Variants in MACF1 observed in about 807,000 individuals in gnomAD.
MACF1 encodes microtubule-actin cross-linking factor 1.
Under a neutral mutation model 854.8 loss-of-function variants are expected in MACF1, and 193 were observed. That is an observed-to-expected ratio of 0.23 (90% CI 0.20 to 0.25). The LOEUF (loss-of-function observed/expected upper bound fraction) is 0.25. Ranked by LOEUF, MACF1 falls within the 10% of genes least tolerant of loss-of-function variation. The pLI, the probability that MACF1 is intolerant of heterozygous loss-of-function variation, is 1.00. For synonymous variants in MACF1, 3,185 were observed against 3,226.7 expected, an observed-to-expected ratio of 0.99 and a Z score of 0.44; for missense variants, 7,722 against 8,929.1, an observed-to-expected ratio of 0.86 and a Z score of 5.45.
At chr1:39,193,287 T>C (rs751842343) in intron 2 of MACF1, among the ~76,000 whole-genome samples, 5 of 152,042 alleles carry the variant, frequency 3.3e-5, no homozygotes, top group South Asian at 4.1e-4. Flanking sequence ...TATTATTTCA[T>C]TGGGGAAAAG....
At chr1:39,211,770 A>G (rs1644520064) in intron 1 of MACF1, among the ~76,000 whole-genome samples, 1 of 152,040 alleles carries the variant, frequency 6.6e-6, no homozygotes, top group Non-Finnish European at 1.5e-5. Context: ...AATCCCAGCT[A>G]CTTGGGAAGT....
Position 39,385,679 on chromosome 1 carries a change from G to A in MACF1, c.14094G>A (p.Lys4698=), listed in dbSNP as rs1569832871. 1.2e-6 allele frequency: 2 copies of A among 1,614,206 alleles called. No homozygotes were observed. The highest frequency in any genetic ancestry group is 2.2e-5 in the East Asian group (1 of 44,880). The change falls in exon 57 of 101, where the codon AAG becomes AAA. Residue 4698 remains lysine, a synonymous_variant. Coordinates refer to ENST00000564288, the MANE Select transcript of MACF1 (RefSeq NM_001394062.1). ...YQELLQDLSE[K]VRAVGQRLSV... is the part of the protein sequence containing the mutation. The stretch of plus-strand genomic sequence containing the variant: ...AACTGCTCCAGGACTTATCAGAGAA[G>A]GTGAGGGCAGTTGGACAACGGCTGA...
In MACF1 at chr1:39,199,231, C is replaced by T. The variant is rs571598663; in HGVS notation, c.221-31951C>T. ...CGATCTCCTGACCTCATGATCCGCC[C>T]GCCTCGGCCTCCCAAAGTGCTGGGA... is the stretch of plus-strand genomic sequence containing the variant. On this transcript the variant is annotated intron_variant, in intron 2 of 93. Coordinates refer to the MACF1 transcript ENST00000361689. 1.1e-4 allele frequency among the ~76,000 whole-genome samples: 17 copies of T among 152,010 alleles called. No individual in the cohort carries two copies. The South Asian group carries it at 3.5e-3, about 32-fold the overall frequency.
intron 6 of MACF1, among the ~76,000 whole-genome samples, chr1:39,258,281 A>G (rs1010456510): frequency 2.0e-5 from 3 of 152,226 alleles, no homozygotes; most frequent in Admixed American, 6.5e-5. Flanking sequence ...CCCTGTCCTC[A>G]GCAGTCTGGT....
rs764381395 is a variant in MACF1 at position 39,429,335 on chromosome 1, A to G, written c.16888+9A>G. 1.7e-5 allele frequency: 25 copies of G among 1,513,306 alleles called. No homozygotes were observed. Among genetic ancestry groups the G allele is most frequent in the Admixed American group, 3.4e-5 (2 of 59,420 alleles). 93.7% of individuals were successfully genotyped at this position (1,513,306 alleles called of 1,614,324 possible). ...TCTAAAACAAACCACAGGTACTTTG[A>G]AAAGTGTGTCTCTTAGCACCCCTAT... is the stretch of plus-strand genomic sequence containing the variant. On this transcript the variant is annotated intron_variant, in intron 64 of 100. Coordinates refer to ENST00000564288, the MANE Select transcript of MACF1 (RefSeq NM_001394062.1).
Position 39,307,901 on chromosome 1 carries a change from C to CTTTTTTTTTTTTTTTTT in MACF1, c.2790-1664_2790-1648dup, listed in dbSNP as rs34930273. ...TTATTTCTCTTTTCTTTCTTTCTTTCTTTTTTTTTTTTTTTTTTTTTGAGA... is the reference window on the plus strand; with the variant it reads ...TTATTTCTCTTTTCTTTCTTTCTTTCTTTTTTTTTTTTTTTTTTTTTTTTTTTTTTTTTTTTTTGAGA... On this transcript the variant is annotated intron_variant, in intron 23 of 100. Coordinates refer to ENST00000564288, the MANE Select transcript of MACF1 (RefSeq NM_001394062.1). Among the ~76,000 whole-genome samples, 272 of 50,402 alleles carry CTTTTTTTTTTTTTTTTT rather than the reference C, an allele frequency of 5.4e-3. 12 individuals are homozygous for CTTTTTTTTTTTTTTTTT. Among genetic ancestry groups the CTTTTTTTTTTTTTTTTT allele is most frequent in the Non-Finnish European group, 7.2e-3 (202 of 27,946 alleles). 33.1% of individuals were successfully genotyped at this position (50,402 alleles called of 152,430 possible).
At chr1:39,273,982 A>C (rs1377054817) in intron 6 of MACF1, among the ~76,000 whole-genome samples, 1 of 152,220 alleles carries the variant, frequency 6.6e-6, no homozygotes, top group African/African-American at 2.4e-5. Flanking sequence ...GTTATGTTTT[A>C]AAAAAGGCCT....
chr1:39,385,812 G>T lies in MACF1; in HGVS notation c.14227G>T (p.Ala4743Ser). ...GCAGTTAGACCACGAGGTTAAGGAGGCTCAGACACTGTGCGATGAACTCTC... is the reference window on the plus strand; with the variant it reads ...GCAGTTAGACCACGAGGTTAAGGAGTCTCAGACACTGTGCGATGAACTCTC... ...LEQLDHEVKE[A>S]QTLCDELSVL... is the part of the protein sequence containing the mutation. The change falls in exon 57 of 101, where the codon GCT becomes TCT. Residue 4743 changes from alanine (A) to serine (S), a missense_variant. Physicochemically the swap from Ala to Ser is moderately conservative, Grantham distance 99. Coordinates refer to ENST00000564288, the MANE Select transcript of MACF1 (RefSeq NM_001394062.1). The T allele has an allele frequency of 1.2e-6, 2 of 1,614,162 alleles. No individual in the cohort carries two copies. Among genetic ancestry groups the T allele is most frequent in the Non-Finnish European group, 1.7e-6 (2 of 1,180,030 alleles).
chr1:39,351,138 A>G lies in MACF1; in HGVS notation c.11199+120A>G, dbSNP rs1330087519. On this transcript the variant is annotated intron_variant, in intron 43 of 100. Coordinates refer to ENST00000564288, the MANE Select transcript of MACF1 (RefSeq NM_001394062.1). The stretch of plus-strand genomic sequence containing the variant: ...ATGCACAGAATCATGAGGAAGGGCT[A>G]CTTCAGGAGCTAGTCTGGTTTTTGT... 7 of 690,172 alleles carry G rather than the reference A, an allele frequency of 1.0e-5. No homozygotes were observed. The Admixed American group carries it at 1.2e-4, about 12-fold the overall frequency. 42.8% of individuals were successfully genotyped at this position (690,172 alleles called of 1,614,324 possible).
At chr1:39,248,336 A>G (rs1192075760) in intron 2 of MACF1, among the ~76,000 whole-genome samples, 1 of 152,102 alleles carries the variant, frequency 6.6e-6, no homozygotes, top group Non-Finnish European at 1.5e-5. Context: ...AGGGTTAAAA[A>G]AGAAACCCCT....
chr1:39,411,285 A>G, intron 58 of MACF1: 2 of 1,614,010 alleles, frequency 1.2e-6, no homozygotes, highest in Non-Finnish European at 1.7e-6. Context: ...AGGAAGAGAA[A>G]CTGTCAGACA....
At chr1:39,318,400 T>C in intron 29 of MACF1, 53 bp from the exon 30 acceptor site, 1 of 1,519,362 alleles carries the variant, frequency 6.6e-7, no homozygotes, top group Admixed American at 1.8e-5. Flanking sequence ...CCTCATTTAC[T>C]TTATTGTATT....
chr1:39,307,205 C>A (rs982497538), intron 23 of MACF1, among the ~76,000 whole-genome samples: 1 of 151,770 alleles, frequency 6.6e-6, no homozygotes, highest in African/African-American at 2.4e-5. Flanking sequence ...ACTCTGAAAT[C>A]ATTGCTCTAT....
intron 9 of MACF1, 43 bp from the exon 10 acceptor site, chr1:39,284,023 G>A (rs761467307): frequency 2.5e-6 from 4 of 1,602,104 alleles, no homozygotes; most frequent in Non-Finnish European, 2.6e-6. Flanking sequence ...GCTTGTTTTG[G>A]ATATTGCTAA....
chr1:39,124,298 A>G (rs562473265), intron 2 of MACF1, among the ~76,000 whole-genome samples: 2 of 151,990 alleles, frequency 1.3e-5, no homozygotes, highest in East Asian at 3.9e-4. Context: ...TGGGATTGAA[A>G]CCTGGTTTGG....
intron 2 of MACF1, among the ~76,000 whole-genome samples, chr1:39,186,173 T>TCC (rs1644166321): frequency 1.4e-4 from 1 of 7,228 alleles, no homozygotes; most frequent in African/African-American, 2.2e-4. Flanking sequence ...TCTGAACATC[T>TCC]CTCTCTCTCT....
intron 100 of MACF1, 200 bp downstream of exon 100, chr1:39,484,930 A>C (rs1570252345): frequency 1.6e-6 from 1 of 626,214 alleles, no homozygotes; most frequent in East Asian, 2.8e-5. Flanking sequence ...TTCTGAGATG[A>C]GATGCTTCCA....
At chr1:39,102,959 A>G (rs528280963) in intron 2 of MACF1, 10 of 701,380 alleles carry the variant, frequency 1.4e-5, no homozygotes, top group African/African-American at 1.0e-4. Flanking sequence ...TTTTCTCTGT[A>G]TAAAACAGGA....
In MACF1 at chr1:39,337,170, T is replaced by C. The variant is rs771534768; in HGVS notation, c.10066-12T>C. The C allele has an allele frequency of 6.2e-7, 1 of 1,607,802 alleles. No homozygotes were observed. Among genetic ancestry groups the C allele is most frequent in the Non-Finnish European group, 8.5e-7 (1 of 1,176,796 alleles). On this transcript the variant is annotated splice_polypyrimidine_tract_variant and intron_variant, in intron 37 of 100. Transcript: ENST00000564288. ...CGTCAGAACTGAGTCAGCTTTCTTT[T>C]TGGCTCCACAGAATGTATTTACCCG...
Sources: gnomAD v4.1 joint callset for allele counts (sites outside exome capture counted in the v4.1 genomes callset) on GRCh38, gnomAD v4.1.1 for gene constraint, MANE v1.5 for transcripts, NCBI Gene and HGNC (gene_info 2026-07-23, HGNC 2026-07-21) for gene names.